WNT16: variants seen among roughly 807,000 people sequenced by gnomAD.
WNT16 encodes protein Wnt-16.
A neutral mutation model predicts 35.4 loss-of-function variants in WNT16; 20 were observed. The ratio of observed to expected loss-of-function variants is 0.56; its 90% CI spans 0.40 to 0.82. The LOEUF (loss-of-function observed/expected upper bound fraction) is 0.82, where lower values mean the gene tolerates loss of function less well. Among genes scored for constraint, WNT16 ranks in the 40% least tolerant of loss-of-function variants. The pLI is 0.00. For missense variants in WNT16, 461 were observed against 466.0 expected (o/e 0.99, Z 0.10); for synonymous variants, 180 against 179.2 (o/e 1.00, Z -0.03).
chr7:121,333,148 T>C (rs1378998779), intron 3 of WNT16, among the ~76,000 whole-genome samples: 1 of 152,098 alleles, frequency 6.6e-6, no homozygotes, highest in Non-Finnish European at 1.5e-5. Flanking sequence ...AAGTAATCAT[T>C]GCAATCTGTC....
At chr7:121,329,526 T>C (rs778376951) in intron 1 of WNT16, 41 bp from the exon 2 acceptor site, 3 of 1,607,440 alleles carry the variant, frequency 1.9e-6, no homozygotes, top group East Asian at 2.2e-5. Context: ...ACATCTGGAA[T>C]TGGGGAGCGG....
chr7:121,336,022 G>GTT (rs1793441208), intron 3 of WNT16, among the ~76,000 whole-genome samples: 1 of 136,112 alleles, frequency 7.3e-6, no homozygotes, highest in Non-Finnish European at 1.6e-5. Flanking sequence ...GTGTGTGTGT[G>GTT]TGTGTGTGTA....
At chr7:121,332,981 A>G (rs1377467859) in intron 3 of WNT16, among the ~76,000 whole-genome samples, 2 of 152,056 alleles carry the variant, frequency 1.3e-5, no homozygotes, top group African/African-American at 4.8e-5. Flanking sequence ...TCTACAACAT[A>G]GTTGACTTAG....
At position 121,329,522 on chromosome 7, in the gene WNT16, G is replaced by A. The variant is rs1197441491; in HGVS notation, c.96-45G>A. On this transcript the variant is annotated intron_variant, in intron 1 of 3. Transcript: ENST00000222462. The stretch of plus-strand genomic sequence containing the variant: ...TGACCTAATTTTTCGGAAAACATCT[G>A]GAATTGGGGAGCGGCTTAACGCTAC... 3 of 1,605,732 alleles carry A rather than the reference G, an allele frequency of 1.9e-6. No homozygotes were observed. In the Admixed American group the frequency reaches 5.0e-5, roughly 27 times the overall value.
At chr7:121,328,995 A>T (rs1793289362), upstream of WNT16, 2 of 1,137,952 alleles carry the variant, frequency 1.8e-6, no homozygotes, top group East Asian at 8.3e-5. Context: ...AGACGCGGAT[A>T]CATCAACAGA....
In WNT16 at chr7:121,329,036, C is replaced by T. The variant is rs1793290129; in HGVS notation, c.-257C>T. 2.4e-6 allele frequency: 3 copies of T among 1,229,120 alleles called. No individual in the cohort carries two copies. The highest frequency in any genetic ancestry group is 1.0e-6 in the Non-Finnish European group (1 of 984,650). 76.1% of individuals were successfully genotyped at this position (1,229,120 alleles called of 1,614,324 possible). ...CTCACCTAGGAATGCGAGGGGCGCT[C>T]CCGCATCTCCTGCACATCTCCACCC... On this transcript the variant is annotated 5_prime_UTR_variant, in exon 1 of 4. Coordinates refer to ENST00000222462, the MANE Select transcript of WNT16 (RefSeq NM_057168.2).
At chr7:121,335,462 T>C (rs1230445434) in intron 3 of WNT16, among the ~76,000 whole-genome samples, 1 of 152,064 alleles carries the variant, frequency 6.6e-6, no homozygotes, top group Non-Finnish European at 1.5e-5. Context: ...AATGTGCACA[T>C]CTGTTTGCAA....
chr7:121,339,544 G>T lies in WNT16; in HGVS notation c.*199G>T. ...ACCCATCAATCATGTGGATTTCTTGGGATTCTAATGTTGAAAAGGTTTATA... is the reference window on the plus strand; with the variant it reads ...ACCCATCAATCATGTGGATTTCTTGTGATTCTAATGTTGAAAAGGTTTATA... On this transcript the variant is annotated 3_prime_UTR_variant, in exon 4 of 4. Coordinates refer to ENST00000222462, the MANE Select transcript of WNT16 (RefSeq NM_057168.2). 3.7e-6 allele frequency: 2 copies of T among 540,284 alleles called. No individual in the cohort carries two copies. The highest frequency in any genetic ancestry group is 6.5e-6 in the Non-Finnish European group (2 of 306,018). 33.5% of individuals were successfully genotyped at this position (540,284 alleles called of 1,614,324 possible). A position where few individuals can be genotyped will look rare whatever the true frequency, so the allele number is the denominator to read the frequency against.
chr7:121,339,192 G>A lies in WNT16; in HGVS notation c.945G>A (p.Glu315=). The change falls in exon 4 of 4, where the codon GAG becomes GAA. Residue 315 remains glutamate (E), a synonymous_variant. Coordinates refer to ENST00000222462, the MANE Select transcript of WNT16 (RefSeq NM_057168.2). The stretch of plus-strand genomic sequence containing the variant: ...GCAGAGAATGCAACCGTACATCAGA[G>A]GGTGCAGATGGCTGCAACCTCCTCT... ...TQGRECNRTS[E]GADGCNLLCC... is the part of the protein sequence containing the mutation. 1 of 1,614,220 alleles carries A rather than the reference G, an allele frequency of 6.2e-7. No homozygotes were observed. The highest frequency in any genetic ancestry group is 8.5e-7 in the Non-Finnish European group (1 of 1,180,038).
chr7:121,338,930 G>GCTC lies in WNT16; in HGVS notation c.686_688dup (p.Ser229dup). 1.2e-6 allele frequency: 2 copies of GCTC among 1,614,096 alleles called. No homozygotes were observed. Among genetic ancestry groups the GCTC allele is most frequent in the Non-Finnish European group, 1.7e-6 (2 of 1,180,012 alleles). On this transcript the variant is annotated inframe_insertion, in exon 4 of 4. Transcript: ENST00000222462. ...GACTGCCGCTGCCACGGAGTTTCCGGCTCCTGTGCTGTGAAAACATGCTGG... is the reference window on the plus strand; with the variant it reads ...GACTGCCGCTGCCACGGAGTTTCCGGCTCCTCCTGTGCTGTGAAAACATGCTGG...
chr7:121,326,945 A>C (rs922201042), upstream of WNT16, among the ~76,000 whole-genome samples: 3 of 152,230 alleles, frequency 2.0e-5, no homozygotes, highest in Admixed American at 2.0e-4. Flanking sequence ...TCCAGCATTT[A>C]GGCCTCTTAC....
chr7:121,330,522 C>G (rs1793325604), intron 2 of WNT16, among the ~76,000 whole-genome samples: 1 of 152,130 alleles, frequency 6.6e-6, no homozygotes, highest in South Asian at 2.1e-4. Flanking sequence ...CCTGGAATAT[C>G]AACAGATCCA....
At position 121,339,700 on chromosome 7, in the gene WNT16, T is replaced by C. The variant is rs554916423; in HGVS notation, c.*355T>C. On this transcript the variant is annotated 3_prime_UTR_variant, in exon 4 of 4. Coordinates refer to ENST00000222462, the MANE Select transcript of WNT16 (RefSeq NM_057168.2). ...ATACTCAGGATAAGATCCTTGAATATGGAACTTAGTTACAGGACTCAATAA... is the reference window on the plus strand; with the variant it reads ...ATACTCAGGATAAGATCCTTGAATACGGAACTTAGTTACAGGACTCAATAA... The C allele has an allele frequency of 2.4e-6, 1 of 412,846 alleles. No individual in the cohort carries two copies. The highest frequency in any genetic ancestry group is 2.0e-5 in the African/African-American group (1 of 50,014). 25.6% of individuals were successfully genotyped at this position (412,846 alleles called of 1,614,324 possible).
upstream of WNT16, among the ~76,000 whole-genome samples, chr7:121,327,754 G>A (rs773586055): frequency 2.0e-5 from 3 of 152,212 alleles, no homozygotes; most frequent in Non-Finnish European, 4.4e-5. Flanking sequence ...GACAGATAAT[G>A]CTTCTTAGAA....
chr7:121,337,585 A>G (rs1185428797), intron 3 of WNT16, among the ~76,000 whole-genome samples: 1 of 151,966 alleles, frequency 6.6e-6, no homozygotes, highest in Non-Finnish European at 1.5e-5. Context: ...CAGAACGTCA[A>G]CTCCACAGCT....
At chr7:121,336,781 G>GC (rs1348175363) in intron 3 of WNT16, among the ~76,000 whole-genome samples, 1 of 152,144 alleles carries the variant, frequency 6.6e-6, no homozygotes, top group African/African-American at 2.4e-5. Context: ...CTCATGCTGT[G>GC]CAAATTGGCA....
chr7:121,327,207 T>C (rs1399527878), upstream of WNT16, among the ~76,000 whole-genome samples: 1 of 152,194 alleles, frequency 6.6e-6, no homozygotes, highest in Non-Finnish European at 1.5e-5. Flanking sequence ...CTCTTTAAAA[T>C]GTGGCTTTAG....
At position 121,334,904 on chromosome 7, in the gene WNT16, A is replaced by G. The variant is rs537719106; in HGVS notation, c.633+2940A>G. Among the ~76,000 whole-genome samples, 7 of 152,180 alleles carry G rather than the reference A, an allele frequency of 4.6e-5. No individual in the cohort carries two copies. In the South Asian group the frequency reaches 1.5e-3, roughly 32 times the overall value. On this transcript the variant is annotated intron_variant, in intron 3 of 3. Transcript: ENST00000222462. ...ACAAACTTTTAAGTTTCCCTACCCC[A>G]TAATTTGTTTTATGATGAGTAACTC...
At chr7:121,335,084 A>G (rs1377639345) in intron 3 of WNT16, among the ~76,000 whole-genome samples, 1 of 152,128 alleles carries the variant, frequency 6.6e-6, no homozygotes, top group Non-Finnish European at 1.5e-5. Context: ...CAGGAATCCT[A>G]CATACACCCA....
Sources: gnomAD v4.1 joint callset for allele counts (sites outside exome capture counted in the v4.1 genomes callset) on GRCh38, gnomAD v4.1.1 for gene constraint, MANE v1.5 for transcripts, NCBI Gene and HGNC (gene_info 2026-07-23, HGNC 2026-07-21) for gene names.